The following ALDH7A1 variants were observed in gnomAD, a reference collection of about 807,000 sequenced individuals.
The protein encoded by ALDH7A1 is aldehyde dehydrogenase 7 family member A1, also known as alpha-aminoadipic semialdehyde dehydrogenase.
In ALDH7A1, 63 loss-of-function variants were observed where a neutral mutation model predicts 79.9. That is an observed-to-expected ratio of 0.79 (90% CI 0.64 to 0.97). The LOEUF is 0.97. ALDH7A1 is among the 50% of genes least tolerant of loss of function. The probability of loss-of-function intolerance (pLI) is 0.00; values close to 1 mark genes in which losing one functional copy is unlikely to be tolerated. For synonymous variants in ALDH7A1, 240 were observed against 231.2 expected, an observed-to-expected ratio of 1.04 and a Z score of -0.34; for missense variants, 627 against 665.2, an observed-to-expected ratio of 0.94 and a Z score of 0.63.
chr5:126,559,501 T>G, intron 10 of ALDH7A1, 167 bp from the exon 11 acceptor site: 1 of 570,376 alleles, frequency 1.8e-6, no homozygotes, highest in Admixed American at 2.6e-5. Flanking sequence ...AATGGCACGA[T>G]CTCGGCTCAC....
chr5:126,557,192 T>C (rs559940529), intron 11 of ALDH7A1, among the ~76,000 whole-genome samples: 1 of 152,340 alleles, frequency 6.6e-6, no homozygotes, highest in Admixed American at 6.5e-5. Flanking sequence ...TTTAATAAAC[T>C]TTAAAGTTAC....
At chr5:126,545,559 G>A (rs1355220726) in intron 17 of ALDH7A1, among the ~76,000 whole-genome samples, 1 of 145,518 alleles carries the variant, frequency 6.9e-6, no homozygotes, top group Non-Finnish European at 1.5e-5. Context: ...CACTGCAGGC[G>A]TGGATCACCT....
rs1329352678 is a variant in ALDH7A1 at position 126,544,865 on chromosome 5, T to C, written c.*100A>G. ...GGGGGATTAGTCACTGTCACAGTCA[T>C]AATAATGCATTTATTCAGGGAAAAC... On this transcript the variant is annotated 3_prime_UTR_variant, in exon 18 of 18. Coordinates refer to ENST00000409134, the MANE Select transcript of ALDH7A1 (RefSeq NM_001182.5). 4 of 943,034 alleles carry C rather than the reference T, an allele frequency of 4.2e-6. No individual in the cohort carries two copies. The African/African-American group carries it at 6.5e-5, about 15-fold the overall frequency. 58.4% of individuals were successfully genotyped at this position (943,034 alleles called of 1,614,324 possible).
Position 126,593,392 on chromosome 5 carries a change from A to G in ALDH7A1, c.205T>C (p.Tyr69His). 2 of 1,613,810 alleles carry G rather than the reference A, an allele frequency of 1.2e-6. No individual in the cohort carries two copies. The highest frequency in any genetic ancestry group is 1.7e-6 in the Non-Finnish European group (2 of 1,180,006). Residue 69 changes from tyrosine to histidine, a missense_variant, in exon 2 of 18, where the codon TAT becomes CAT. By Grantham distance (83) the Tyr-to-His change is moderately conservative (BLOSUM62 2). Transcript: ENST00000409134. ...WGGRGEVITT[Y>H]CPANNEPIAR... Reference sequence around the variant, plus strand: ...ATTGGCTCGTTGTTAGCAGGGCAATAGGTCGTAATAACCTTAAAACAAAAG... The same window carrying G: ...ATTGGCTCGTTGTTAGCAGGGCAATGGGTCGTAATAACCTTAAAACAAAAG...
At chr5:126,585,486 A>G (rs1751329335) in intron 3 of ALDH7A1, among the ~76,000 whole-genome samples, 1 of 152,058 alleles carries the variant, frequency 6.6e-6, no homozygotes, top group African/African-American at 2.4e-5. Context: ...CAAGTGTATC[A>G]CTGTCTCTTA....
intron 3 of ALDH7A1, among the ~76,000 whole-genome samples, chr5:126,589,298 C>G (rs1482639863): frequency 6.6e-6 from 1 of 152,006 alleles, no homozygotes; most frequent in Non-Finnish European, 1.5e-5. Flanking sequence ...GCTGGGGTTA[C>G]AGGCGCGCAC....
chr5:126,568,532 T>A, intron 8 of ALDH7A1, 176 bp from the exon 9 acceptor site: 1 of 638,904 alleles, frequency 1.6e-6, no homozygotes, highest in Non-Finnish European at 2.8e-6. Flanking sequence ...TTTTCACAGG[T>A]AGAACCATTA....
intron 8 of ALDH7A1, chr5:126,570,510 G>C: frequency 5.0e-6 from 2 of 399,468 alleles, no homozygotes. Flanking sequence ...GGAAGTCACA[G>C]GCTGCCCCCC....
intron 7 of ALDH7A1, among the ~76,000 whole-genome samples, chr5:126,575,121 G>A (rs1403207156): frequency 6.6e-6 from 1 of 152,136 alleles, no homozygotes; most frequent in Non-Finnish European, 1.5e-5. Context: ...AGAAAATATA[G>A]ATCCTAAATT....
At chr5:126,561,044 C>T (rs376998669) in intron 10 of ALDH7A1, 39 bp downstream of exon 10, 1 of 1,610,628 alleles carries the variant, frequency 6.2e-7, no homozygotes, top group Non-Finnish European at 8.5e-7. Context: ...ACTGTGGAAA[C>T]TGAACAGAAA....
intron 16 of ALDH7A1, among the ~76,000 whole-genome samples, chr5:126,549,163 A>G (rs1309793356): frequency 6.6e-6 from 1 of 151,708 alleles, no homozygotes; most frequent in African/African-American, 2.4e-5. Flanking sequence ...GTACAAAAGG[A>G]GAAGATAGAC....
intron 5 of ALDH7A1, 173 bp downstream of exon 5, chr5:126,582,678 C>T: frequency 1.3e-6 from 1 of 798,624 alleles, no homozygotes; most frequent in African/African-American, 1.7e-5. Flanking sequence ...GGTTCTTGAT[C>T]TAACATTTTC....
rs569408862 is a variant in ALDH7A1, at chr5:126,560,625, A to G, written c.913+458T>C. Among the ~76,000 whole-genome samples, 161 of 145,198 alleles carry G rather than the reference A, an allele frequency of 1.1e-3. 1 individual carries two copies. The highest frequency in any genetic ancestry group is 4.6e-3 in the South Asian group (22 of 4,772). ...ATAAGTAATCTCTAAGCCTATAGGT[A>G]AGTGATTTTTTTAATGCCTTAAGGA... On this transcript the variant is annotated intron_variant, in intron 10 of 17. Coordinates refer to ENST00000409134, the MANE Select transcript of ALDH7A1 (RefSeq NM_001182.5).
intron 9 of ALDH7A1, among the ~76,000 whole-genome samples, chr5:126,563,339 AC>A (rs773951510): frequency 6.6e-6 from 1 of 152,180 alleles, no homozygotes; most frequent in African/African-American, 2.4e-5. Flanking sequence ...GAAAAGAAAA[AC>A]CACTCCATAG....
At chr5:126,553,918 G>C (rs889810898) in intron 13 of ALDH7A1, among the ~76,000 whole-genome samples, 3 of 151,986 alleles carry the variant, frequency 2.0e-5, no homozygotes, top group African/African-American at 7.3e-5. Context: ...GACCAGCCTG[G>C]CTAACATGGG....
At chr5:126,557,652 G>T (rs913237477) in intron 11 of ALDH7A1, among the ~76,000 whole-genome samples, 2 of 151,592 alleles carry the variant, frequency 1.3e-5, no homozygotes, top group African/African-American at 4.8e-5. Context: ...ATATCTTTTA[G>T]CTTATTCTAA....
At chr5:126,574,188 C>T (rs1416816372) in intron 7 of ALDH7A1, among the ~76,000 whole-genome samples, 1 of 151,852 alleles carries the variant, frequency 6.6e-6, no homozygotes, top group African/African-American at 2.4e-5. Context: ...ATCACAAGGT[C>T]AAGACATCGA....
chr5:126,585,497 G>T (rs1022913624), intron 3 of ALDH7A1, among the ~76,000 whole-genome samples: 1 of 152,110 alleles, frequency 6.6e-6, no homozygotes, highest in African/African-American at 2.4e-5. Flanking sequence ...CTGTCTCTTA[G>T]TACAGCTTCT....
intron 9 of ALDH7A1, chr5:126,567,855 C>T (rs1346697619): frequency 5.1e-6 from 1 of 195,930 alleles, no homozygotes; most frequent in South Asian, 9.2e-5. Flanking sequence ...GCCATCTCGG[C>T]TCACTGCAAG....
Sources: allele counts gnomAD v4.1 joint callset (sites outside exome capture counted in the v4.1 genomes callset), GRCh38; gene constraint gnomAD v4.1.1; transcripts MANE v1.5; gene names NCBI Gene and HGNC (gene_info 2026-07-23, HGNC 2026-07-21).